CAST: variants seen among roughly 807,000 people sequenced by gnomAD.
CAST encodes calpastatin.
Under a neutral mutation model 119.6 loss-of-function variants are expected in CAST, and 76 were observed. The ratio of observed to expected loss-of-function variants is 0.64; its 90% CI spans 0.53 to 0.77. CAST has a LOEUF of 0.77. Among genes scored for constraint, CAST ranks in the 30% least tolerant of loss-of-function variants. CAST has a pLI of 0.00. For synonymous variants in CAST, 319 were observed against 331.6 expected, an observed-to-expected ratio of 0.96 and a Z score of 0.41; for missense variants, 953 against 946.5, an observed-to-expected ratio of 1.01 and a Z score of -0.09.
At chr5:96,712,372 C>T (rs1756344757) in intron 3 of CAST, among the ~76,000 whole-genome samples, 2 of 152,300 alleles carry the variant, frequency 1.3e-5, no homozygotes, top group Middle Eastern at 3.4e-3. Context: ...TGCTCTGTCA[C>T]TTGGGCTGGA....
intron 16 of CAST, among the ~76,000 whole-genome samples, chr5:96,744,027 A>T (rs1200101083): frequency 1.3e-5 from 2 of 152,228 alleles, no homozygotes; most frequent in African/African-American, 4.8e-5. Context: ...GGATCAAAGG[A>T]GTCTTAAAAG....
At position 96,774,518 on chromosome 5, in the gene CAST, G is replaced by GAAT; in HGVS notation, c.*1902_*1903insAAT. The GAAT allele has an allele frequency of 1.0e-6, 1 of 986,300 alleles. No homozygotes were observed. 61.1% of individuals were successfully genotyped at this position (986,300 alleles called of 1,614,324 possible). ...AAGAACAATTTTTTATTATCAAAAA[G>GAAT]GTTTCTGCACATTGTTGTGGCAATA... is the stretch of plus-strand genomic sequence containing the variant. On this transcript the variant is annotated 3_prime_UTR_variant, in exon 32 of 32. Transcript: ENST00000675179.
At chr5:96,300,595 C>G in the CAST span, among the ~76,000 whole-genome samples, 1 of 151,614 alleles carries the variant, frequency 6.6e-6, no homozygotes, top group Non-Finnish European at 1.5e-5. Context: ...TTTTGAGGTC[C>G]ATAGACATGT....
chr5:96,085,963 T>G, the CAST span, among the ~76,000 whole-genome samples: 1 of 133,982 alleles, frequency 7.5e-6, no homozygotes, highest in African/African-American at 2.8e-5. Context: ...TCATCATCCC[T>G]CTGTATCTGC....
chr5:96,424,045 T>C, the CAST span, among the ~76,000 whole-genome samples: 2 of 152,120 alleles, frequency 1.3e-5, no homozygotes, highest in African/African-American at 4.8e-5. Context: ...GTTTTCCTTT[T>C]AAAATACATT....
chr5:96,524,598 C>A (rs2150175876), upstream of CAST, among the ~76,000 whole-genome samples: 1 of 152,280 alleles, frequency 6.6e-6, no homozygotes, highest in South Asian at 2.1e-4. Flanking sequence ...ATCTCCCAAC[C>A]TTGGAAATGG....
the CAST span, among the ~76,000 whole-genome samples, chr5:96,108,183 C>T: frequency 6.6e-6 from 1 of 152,182 alleles, no homozygotes; most frequent in Middle Eastern, 3.2e-3. Flanking sequence ...CCTCCCGTAG[C>T]TTGGAGTAAT....
chr5:96,274,173 C>G, the CAST span, among the ~76,000 whole-genome samples: 1 of 151,502 alleles, frequency 6.6e-6, no homozygotes, highest in Non-Finnish European at 1.5e-5. Flanking sequence ...GTGATCTTGG[C>G]TCATTGCAAG....
the CAST span, among the ~76,000 whole-genome samples, chr5:96,495,134 A>AC: frequency 1.5e-5 from 2 of 136,604 alleles, no homozygotes; most frequent in Non-Finnish European, 3.3e-5. Context: ...AAAAAAAAAA[A>AC]AAAAAAGTGT....
chr5:96,766,816 C>T (rs1161162694), intron 27 of CAST, among the ~76,000 whole-genome samples: 1 of 152,084 alleles, frequency 6.6e-6, no homozygotes, highest in East Asian at 1.9e-4. Flanking sequence ...CAAGGAAGAC[C>T]AAATTACACC....
In CAST at chr5:96,555,912, C is replaced by T. The variant is rs531865334; in HGVS notation, c.60+26032C>T. Among the ~76,000 whole-genome samples the T allele has an allele frequency of 2.4e-3, 373 of 152,300 alleles. 8 individuals are homozygous for T. Among genetic ancestry groups the T allele is most frequent in the Non-Finnish European group, 7.3e-4 (50 of 68,032 alleles). On this transcript the variant is annotated intron_variant, in intron 1 of 11. Transcript: ENST00000505143. ...CAGCACGCAGCTGGAGATCTGAGAACGGACAGACTGCCTCCTCAAGTGAGT... is the reference window on the plus strand; with the variant it reads ...CAGCACGCAGCTGGAGATCTGAGAATGGACAGACTGCCTCCTCAAGTGAGT...
the CAST span, among the ~76,000 whole-genome samples, chr5:95,988,363 G>A: frequency 2.0e-5 from 3 of 152,034 alleles, no homozygotes; most frequent in Admixed American, 6.6e-5. Context: ...CAATGAAGCT[G>A]CCGGTATGTG....
chr5:96,079,289 A>G, the CAST span: 4 of 338,674 alleles, frequency 1.2e-5, no homozygotes, highest in African/African-American at 2.2e-5. Context: ...AAATGGCATC[A>G]GGCTTGTTAC....
the CAST span, among the ~76,000 whole-genome samples, chr5:96,384,977 C>T: frequency 7.9e-5 from 12 of 152,114 alleles, no homozygotes; most frequent in Admixed American, 4.6e-4. Flanking sequence ...TGATAAATAT[C>T]CCAAAGAATA....
At chr5:96,700,721 G>A (rs553248261) in intron 3 of CAST, among the ~76,000 whole-genome samples, 16 of 152,204 alleles carry the variant, frequency 1.1e-4, no homozygotes, top group African/African-American at 3.9e-4. Context: ...CTGATTCGCC[G>A]GGGTGGGGGA....
chr5:96,576,723 A>G (rs1227669298), intron 1 of CAST, among the ~76,000 whole-genome samples: 1 of 151,350 alleles, frequency 6.6e-6, no homozygotes, highest in Admixed American at 6.6e-5. Context: ...TGTATTACCT[A>G]TTTTATCTGG....
chr5:96,559,711 A>C (rs1454943354), intron 1 of CAST, among the ~76,000 whole-genome samples: 10 of 152,240 alleles, frequency 6.6e-5, no homozygotes. Flanking sequence ...AAGAGGATAC[A>C]AGCAAATGGA....
chr5:96,684,591 C>T (rs1217640380), intron 2 of CAST, among the ~76,000 whole-genome samples: 1 of 149,094 alleles, frequency 6.7e-6, no homozygotes, highest in Non-Finnish European at 1.5e-5. Flanking sequence ...GAGATAGAGT[C>T]TCACTTTGTT....
At chr5:96,014,954 A>G in the CAST span, among the ~76,000 whole-genome samples, 1 of 152,074 alleles carries the variant, frequency 6.6e-6, no homozygotes, top group African/African-American at 2.4e-5. Flanking sequence ...ACACCTATAT[A>G]CTGGGAGGTT....
Sources: allele counts gnomAD v4.1 joint callset (sites outside exome capture counted in the v4.1 genomes callset), GRCh38; gene constraint gnomAD v4.1.1; transcripts MANE v1.5; gene names NCBI Gene and HGNC (gene_info 2026-07-23, HGNC 2026-07-21).